The following PTPRD variants were observed in gnomAD, a reference collection of about 807,000 sequenced individuals.
PTPRD encodes the protein receptor-type tyrosine-protein phosphatase delta.
A neutral mutation model predicts 214.5 loss-of-function variants in PTPRD; 34 were observed. That is an observed-to-expected ratio of 0.16 (90% CI 0.12 to 0.21). PTPRD has a LOEUF of 0.21. Ranked by LOEUF, PTPRD falls within the 10% of genes least tolerant of loss-of-function variation. The pLI, the probability that PTPRD is intolerant of heterozygous loss-of-function variation, is 1.00. For synonymous variants in PTPRD, 1,128 were observed against 845.7 expected (o/e 1.33, Z -5.79); for missense variants, 2,545 against 2,398.7 (o/e 1.06, Z -1.27).
intron 37 of PTPRD, among the ~76,000 whole-genome samples, chr9:8,379,257 G>A (rs2084208879): frequency 6.6e-6 from 1 of 152,068 alleles, no homozygotes; most frequent in Non-Finnish European, 1.5e-5. Context: ...CACACACATG[G>A]CCTCAGCAGT....
intron 2 of PTPRD, among the ~76,000 whole-genome samples, chr9:10,350,607 A>G (rs957141113): frequency 1.3e-5 from 2 of 152,166 alleles, no homozygotes; most frequent in African/African-American, 4.8e-5. Flanking sequence ...GTGCCAAAAG[A>G]TAAGTAATTT....
chr9:9,216,645 T>A lies in PTPRD; in HGVS notation c.-202-33282A>T, dbSNP rs1593782802. Among the ~76,000 whole-genome samples the A allele has an allele frequency of 7.9e-5, 12 of 152,286 alleles. 1 individual carries two copies. In the South Asian group the frequency reaches 2.5e-3, roughly 32 times the overall value. ...AAGCTGGAAATTGTAGGTGTTCTTATAAGTCTTCAGCTTGGGTCTAGAAAG... is the reference window on the plus strand; with the variant it reads ...AAGCTGGAAATTGTAGGTGTTCTTAAAAGTCTTCAGCTTGGGTCTAGAAAG... On this transcript the variant is annotated intron_variant, in intron 9 of 45. Coordinates refer to ENST00000381196, the MANE Select transcript of PTPRD (RefSeq NM_002839.4).
chr9:9,007,832 T>C (rs1363215610), intron 11 of PTPRD, among the ~76,000 whole-genome samples: 2 of 149,634 alleles, frequency 1.3e-5, no homozygotes, highest in East Asian at 3.9e-4. Flanking sequence ...TATATAATTT[T>C]TATTTGTCTG....
At chr9:9,278,010 C>T (rs1284886024) in intron 9 of PTPRD, among the ~76,000 whole-genome samples, 2 of 151,342 alleles carry the variant, frequency 1.3e-5, no homozygotes, top group African/African-American at 4.8e-5. Flanking sequence ...AAACTAATTA[C>T]ATTAACTTTC....
At position 10,245,369 on chromosome 9, in the gene PTPRD, G is replaced by T. The variant is rs1000338031; in HGVS notation, c.-545+95594C>A. On this transcript the variant is annotated intron_variant, in intron 3 of 45. Transcript: ENST00000381196. ...TAATCAAAGTATTGAATAATTAAGA[G>T]TATTTAATCACACCATTTTATCTAT... Among the ~76,000 whole-genome samples, 5 of 152,196 alleles carry T rather than the reference G, an allele frequency of 3.3e-5. No individual in the cohort carries two copies. The East Asian group carries it at 9.7e-4, about 29-fold the overall frequency.
chr9:9,208,332 A>G (rs1016683208), intron 9 of PTPRD, among the ~76,000 whole-genome samples: 1 of 151,816 alleles, frequency 6.6e-6, no homozygotes, highest in Admixed American at 6.6e-5. Context: ...GTATTTTTTT[A>G]AAAAACACCT....
chr9:8,587,257 C>T (rs2093736392), intron 14 of PTPRD, among the ~76,000 whole-genome samples: 1 of 152,182 alleles, frequency 6.6e-6, no homozygotes, highest in South Asian at 2.1e-4. Flanking sequence ...TAATAAAAAT[C>T]TGCAGAGGCA....
At chr9:9,490,463 A>C (rs1269930447) in intron 8 of PTPRD, among the ~76,000 whole-genome samples, 1 of 152,124 alleles carries the variant, frequency 6.6e-6, no homozygotes, top group Non-Finnish European at 1.5e-5. Flanking sequence ...CTAGTATTGT[A>C]ACTTTGGTTT....
chr9:10,089,800 G>A (rs866633660), intron 3 of PTPRD, among the ~76,000 whole-genome samples: 2 of 151,544 alleles, frequency 1.3e-5, no homozygotes, highest in Admixed American at 6.6e-5. Flanking sequence ...ACTAGGTGAC[G>A]GGCATCGGGG....
At chr9:9,907,557 C>A (rs1000097186) in intron 5 of PTPRD, among the ~76,000 whole-genome samples, 8 of 151,934 alleles carry the variant, frequency 5.3e-5, no homozygotes, top group African/African-American at 1.9e-4. Context: ...GGATATCAGT[C>A]ATGTAGGATC....
rs140738231 is a variant in PTPRD at position 9,732,605 on chromosome 9, C to T, written c.-287+1928G>A. On this transcript the variant is annotated intron_variant, in intron 7 of 45. Coordinates refer to ENST00000381196, the MANE Select transcript of PTPRD (RefSeq NM_002839.4). ...TTTAGGATGGAAAAAGTATAGAGGA[C>T]CTCTAGGATTTGTTATGATGGAAAT... 2.6e-5 allele frequency among the ~76,000 whole-genome samples: 4 copies of T among 152,110 alleles called. No homozygotes were observed. The East Asian group carries it at 5.8e-4, about 22-fold the overall frequency.
intron 5 of PTPRD, among the ~76,000 whole-genome samples, chr9:9,921,835 T>C (rs568439649): frequency 6.6e-6 from 1 of 152,146 alleles, no homozygotes; most frequent in East Asian, 1.9e-4. Context: ...ACTGTTCTAA[T>C]TCATTTAGCA....
chr9:8,609,724 A>G (rs2095372021), intron 14 of PTPRD, among the ~76,000 whole-genome samples: 1 of 152,356 alleles, frequency 6.6e-6, no homozygotes, highest in Non-Finnish European at 1.5e-5. Flanking sequence ...ATAGCTGGTT[A>G]TAGGTACTAA....
chr9:8,354,646 A>G (rs1762475078), intron 39 of PTPRD, among the ~76,000 whole-genome samples: 1 of 152,186 alleles, frequency 6.6e-6, no homozygotes, highest in African/African-American at 2.4e-5. Context: ...GGTTTGACTC[A>G]AGTAGTTGCA....
chr9:9,236,604 A>C (rs2099966897), intron 9 of PTPRD, among the ~76,000 whole-genome samples: 1 of 150,124 alleles, frequency 6.7e-6, no homozygotes, highest in Non-Finnish European at 1.5e-5. Flanking sequence ...TTAGCTAAAG[A>C]ATGAATTATT....
At chr9:9,190,055 T>A (rs10977556) in intron 9 of PTPRD, among the ~76,000 whole-genome samples, 26,722 of 152,022 alleles carry the variant, frequency 0.18, 2,989 homozygotes, top group Admixed American at 0.3. Context: ...ATGTAGCCAA[T>A]GGCTATGGTT....
intron 3 of PTPRD, among the ~76,000 whole-genome samples, chr9:10,295,251 G>T (rs2095642134): frequency 6.6e-6 from 1 of 151,948 alleles, no homozygotes; most frequent in African/African-American, 2.4e-5. Flanking sequence ...TAAGATTTCG[G>T]TTAACACCAA....
intron 3 of PTPRD, among the ~76,000 whole-genome samples, chr9:10,188,338 T>C (rs1302618971): frequency 1.3e-5 from 2 of 152,164 alleles, no homozygotes; most frequent in Non-Finnish European, 2.9e-5. Flanking sequence ...TTAAATAATA[T>C]ATAAATTATT....
intron 2 of PTPRD, among the ~76,000 whole-genome samples, chr9:10,526,340 A>G (rs569397615): frequency 1.3e-5 from 2 of 152,264 alleles, no homozygotes; most frequent in Non-Finnish European, 2.9e-5. Context: ...TAATATTGCT[A>G]AAGTGTGGCT....
Sources: allele counts gnomAD v4.1 joint callset (sites outside exome capture counted in the v4.1 genomes callset), GRCh38; gene constraint gnomAD v4.1.1; transcripts MANE v1.5; gene names NCBI Gene and HGNC (gene_info 2026-07-23, HGNC 2026-07-21).